The following MICOS10 variants were observed in gnomAD, a reference collection of about 807,000 sequenced individuals.
The protein encoded by MICOS10 is mitochondrial contact site and cristae organizing system subunit 10.
In MICOS10, 5 loss-of-function variants were observed where a neutral mutation model predicts 13.4. The observed-to-expected ratio is 0.37, with a 90% CI of 0.20 to 0.78. The LOEUF (loss-of-function observed/expected upper bound fraction) is 0.78. MICOS10 is among the 30% of genes least tolerant of loss of function. MICOS10 has a pLI of 0.47. For missense variants in MICOS10, 101 were observed against 94.6 expected (o/e 1.07, Z -0.28); for synonymous variants, 35 against 33.6 (o/e 1.04, Z -0.15).
rs12092926 is a variant in MICOS10 at position 19,601,080 on chromosome 1, G to A, written c.64+3971G>A. On this transcript the variant is annotated intron_variant, in intron 1 of 3. Coordinates refer to ENST00000322753, the MANE Select transcript of MICOS10 (RefSeq NM_001032363.4). ...TGTACGATGACTATTATAATCACTC[G>A]TGTTTAGCATAGGTGTTGTATAGCT... 1.3e-3 allele frequency: 1,535 copies of A among 1,162,208 alleles called. 10 individuals carry two copies. The African/African-American group carries it at 0.021, about 16-fold the overall frequency. The allele number at this position is 1,162,208 out of a possible 1,614,324, so 72.0% of individuals were successfully genotyped here.
rs1050003100 is a variant in MICOS10 at position 19,628,637 on chromosome 1, G to C, written c.*2236G>C. ...GCAGAGGTTGCGGTGAGCTGAGATC[G>C]CGCCACTGCACTCCAGCCCGGCGAC... On this transcript the variant is annotated 3_prime_UTR_variant, in exon 4 of 4. Transcript: ENST00000322753. The C allele has an allele frequency of 7.0e-6, 1 of 143,226 alleles. No homozygotes were observed. The highest frequency in any genetic ancestry group is 1.5e-5 in the Non-Finnish European group (1 of 67,218). 8.9% of individuals were successfully genotyped at this position (143,226 alleles called of 1,614,324 possible).
chr1:19,597,766 G>T, intron 1 of MICOS10: 1 of 152,364 alleles, frequency 6.6e-6, no homozygotes. Context: ...CTGTATGGTG[G>T]GGAGGAGAAA....
intron 1 of MICOS10, among the ~76,000 whole-genome samples, chr1:19,603,915 C>G (rs1054655570): frequency 1.3e-5 from 2 of 152,108 alleles, no homozygotes; most frequent in African/African-American, 4.8e-5. Context: ...TCCTGGCAAG[C>G]CAGGTGTGTC....
intron 1 of MICOS10, among the ~76,000 whole-genome samples, chr1:19,617,820 C>T (rs1416810845): frequency 6.6e-6 from 1 of 151,992 alleles, no homozygotes; most frequent in Non-Finnish European, 1.5e-5. Context: ...TTATTAGACA[C>T]AAGACAACTC....
chr1:19,626,277 G>T, intron 3 of MICOS10, 110 bp from the exon 4 acceptor site: 1 of 1,278,386 alleles, frequency 7.8e-7, no homozygotes, highest in Non-Finnish European at 1.1e-6. Flanking sequence ...CGTAAACAGT[G>T]TGATAAGGTT....
At chr1:19,619,507 C>T (rs570469022) in intron 1 of MICOS10, among the ~76,000 whole-genome samples, 7 of 152,266 alleles carry the variant, frequency 4.6e-5, no homozygotes, top group Non-Finnish European at 8.8e-5. Context: ...CATTGCTGCA[C>T]CTCCATTGGT....
At chr1:19,621,029 AT>A (rs2094901439) in intron 1 of MICOS10, among the ~76,000 whole-genome samples, 1 of 152,176 alleles carries the variant, frequency 6.6e-6, no homozygotes, top group Non-Finnish European at 1.5e-5. Context: ...CTGGTTTGGA[AT>A]CTGTAAGCTA....
chr1:19,600,078 TA>T (rs796674063), intron 1 of MICOS10, among the ~76,000 whole-genome samples: 95 of 148,766 alleles, frequency 6.4e-4, no homozygotes, highest in African/African-American at 2.0e-3. Flanking sequence ...AGGTTGCCAT[TA>T]AAAAAAAAAT....
chr1:19,603,201 C>T (rs1185854441), intron 1 of MICOS10, among the ~76,000 whole-genome samples: 3 of 152,064 alleles, frequency 2.0e-5, no homozygotes, highest in Non-Finnish European at 4.4e-5. Flanking sequence ...CATGGTGGTG[C>T]ATGCCTGTAA....
chr1:19,613,433 A>G (rs1303184143), intron 1 of MICOS10, among the ~76,000 whole-genome samples: 1 of 152,178 alleles, frequency 6.6e-6, no homozygotes, highest in Non-Finnish European at 1.5e-5. Context: ...CTTACACTTG[A>G]TAATTTGGCA....
intron 1 of MICOS10, among the ~76,000 whole-genome samples, chr1:19,618,448 A>G (rs2094892420): frequency 6.6e-6 from 1 of 152,056 alleles, no homozygotes. Flanking sequence ...AGCCTGTATT[A>G]CACCTCTGAA....
At chr1:19,619,481 G>T (rs1029973532) in intron 1 of MICOS10, among the ~76,000 whole-genome samples, 1 of 152,138 alleles carries the variant, frequency 6.6e-6, no homozygotes, top group Non-Finnish European at 1.5e-5. Flanking sequence ...ATTACCAAAA[G>T]GTGGCTTAAG....
intron 3 of MICOS10, chr1:19,625,500 A>G: frequency 7.8e-7 from 1 of 1,289,450 alleles, no homozygotes; most frequent in Middle Eastern, 2.1e-4. Context: ...CACAGGGACC[A>G]TGCAAGAAGA....
At position 19,629,152 on chromosome 1, in the gene MICOS10, A is replaced by G. The variant is rs1300163256; in HGVS notation, c.*2751A>G. The G allele has an allele frequency of 6.6e-6, 1 of 152,228 alleles. No individual in the cohort carries two copies. Among genetic ancestry groups the G allele is most frequent in the African/African-American group, 2.4e-5 (1 of 41,454 alleles). The allele number at this position is 152,228 out of a possible 1,614,324, so 9.4% of individuals were successfully genotyped here. ...TCCCGGCTTGTTGGCAAAGGCACAC[A>G]TTCTGTGTTACTCTTAAGTTTCATT... is the stretch of plus-strand genomic sequence containing the variant. On this transcript the variant is annotated 3_prime_UTR_variant, in exon 4 of 4. Coordinates refer to ENST00000322753, the MANE Select transcript of MICOS10 (RefSeq NM_001032363.4).
chr1:19,604,494 G>A (rs148951183), intron 1 of MICOS10, among the ~76,000 whole-genome samples: 7,828 of 152,238 alleles, frequency 0.051, 296 homozygotes, highest in Non-Finnish European at 0.072. Flanking sequence ...GGGCAACAGA[G>A]TGAGACTTGG....
chr1:19,616,419 C>T (rs2094884800), intron 1 of MICOS10, among the ~76,000 whole-genome samples: 1 of 152,174 alleles, frequency 6.6e-6, no homozygotes, highest in Non-Finnish European at 1.5e-5. Flanking sequence ...ATACCCTTTT[C>T]AGCAGTTTAT....
intron 2 of MICOS10, 67 bp downstream of exon 2, chr1:19,622,214 C>G (rs2094906228): frequency 7.6e-7 from 1 of 1,321,940 alleles, no homozygotes; most frequent in African/African-American, 1.5e-5. Flanking sequence ...GGGACACTTC[C>G]AGAGGACACA....
chr1:19,618,487 AC>A (rs2094892557), intron 1 of MICOS10, among the ~76,000 whole-genome samples: 1 of 152,096 alleles, frequency 6.6e-6, no homozygotes, highest in Non-Finnish European at 1.5e-5. Flanking sequence ...GGCAGAACTT[AC>A]TACCACTTAG....
In MICOS10 at chr1:19,608,457, C is replaced by T. The variant is rs770982503; in HGVS notation, c.64+11348C>T. 2.9e-5 allele frequency: 37 copies of T among 1,272,532 alleles called. No homozygotes were observed. In the Middle Eastern group the frequency reaches 5.5e-4, roughly 19 times the overall value. The allele number at this position is 1,272,532 out of a possible 1,614,324, so 78.8% of individuals were successfully genotyped here. The stretch of plus-strand genomic sequence containing the variant: ...ACCCTTGGACCTGGGGCCCAGTCGG[C>T]CCTCAGAGCCCTTGCCTGCTCGGGT... On this transcript the variant is annotated intron_variant, in intron 1 of 3. Coordinates refer to ENST00000322753, the MANE Select transcript of MICOS10 (RefSeq NM_001032363.4).
Sources: gnomAD v4.1 joint callset for allele counts (sites outside exome capture counted in the v4.1 genomes callset) on GRCh38, gnomAD v4.1.1 for gene constraint, MANE v1.5 for transcripts, NCBI Gene and HGNC (gene_info 2026-07-23, HGNC 2026-07-21) for gene names.